PLXNA2: variants seen among roughly 807,000 people sequenced by gnomAD.
PLXNA2 encodes the protein plexin A2.
PLXNA2 carries 91 observed loss-of-function variants against 193.5 expected under a neutral mutation model. The observed-to-expected ratio is 0.47, with a 90% CI of 0.40 to 0.56. PLXNA2 has a LOEUF of 0.56. Ranked by LOEUF, PLXNA2 falls within the 20% of genes least tolerant of loss-of-function variation. The pLI is 0.00. For synonymous variants in PLXNA2, 997 were observed against 1,027.3 expected, an observed-to-expected ratio of 0.97 and a Z score of 0.56; for missense variants, 1,995 against 2,503.2, an observed-to-expected ratio of 0.80 and a Z score of 4.33.
intron 12 of PLXNA2, among the ~76,000 whole-genome samples, chr1:208,074,790 CT>C (rs766438632): frequency 1.3e-5 from 2 of 152,276 alleles, no homozygotes; most frequent in South Asian, 4.2e-4. Flanking sequence ...CACAGGCCAT[CT>C]TAGAATCCTT....
chr1:208,240,829 A>T (rs559434625), intron 1 of PLXNA2, among the ~76,000 whole-genome samples: 1 of 151,658 alleles, frequency 6.6e-6, no homozygotes, highest in South Asian at 2.1e-4. Flanking sequence ...ACAGAAGTAT[A>T]TTGTGCCTCA....
Position 208,082,822 on chromosome 1 carries a change from A to G in PLXNA2, c.2299-314T>C, listed in dbSNP as rs1666390345. 6.6e-6 allele frequency among the ~76,000 whole-genome samples: 1 copy of G among 151,812 alleles called. No individual in the cohort carries two copies. Among genetic ancestry groups the G allele is most frequent in the African/African-American group, 2.4e-5 (1 of 41,284 alleles). ...GAGTTCCTATCTCATAAGGAATGCAACCGTCTCCCTACAACCTCCATCCTT... is the reference window on the plus strand; with the variant it reads ...GAGTTCCTATCTCATAAGGAATGCAGCCGTCTCCCTACAACCTCCATCCTT... On this transcript the variant is annotated intron_variant, in intron 10 of 31. Coordinates refer to ENST00000367033, the MANE Select transcript of PLXNA2 (RefSeq NM_025179.4). This position sits in a 1 kb window ranked among gnomAD's most constrained non-coding sequence, Gnocchi z 4.2.
chr1:208,158,573 T>C (rs1669009115), intron 3 of PLXNA2, among the ~76,000 whole-genome samples: 1 of 152,214 alleles, frequency 6.6e-6, no homozygotes, highest in Admixed American at 6.5e-5. Flanking sequence ...CCCAGTGGCC[T>C]TGCCGACATC....
intron 1 of PLXNA2, among the ~76,000 whole-genome samples, chr1:208,229,373 G>A (rs1425639773): frequency 6.6e-6 from 1 of 152,132 alleles, no homozygotes; most frequent in Non-Finnish European, 1.5e-5. Context: ...CTTGGTATCC[G>A]TGCAGGGCTA....
intron 22 of PLXNA2, among the ~76,000 whole-genome samples, chr1:208,041,885 T>A (rs1379156970): frequency 6.6e-6 from 1 of 152,210 alleles, no homozygotes; most frequent in African/African-American, 2.4e-5. Flanking sequence ...AGCTCATCCA[T>A]CACACCTGGG....
intron 17 of PLXNA2, among the ~76,000 whole-genome samples, chr1:208,047,867 T>C (rs1665129033): frequency 1.3e-5 from 2 of 152,262 alleles, no homozygotes; most frequent in South Asian, 4.1e-4. Context: ...CTGCGGCCTT[T>C]ATGCTGTAGT....
intron 18 of PLXNA2, 84 bp downstream of exon 18, chr1:208,045,790 CAGAA>C (rs1665042622): frequency 6.0e-6 from 9 of 1,509,828 alleles, no homozygotes; most frequent in East Asian, 4.5e-5. Context: ...AAAGGAGAGC[CAGAA>C]AGAAAGAAAG....
At chr1:208,035,472 A>G (rs1245301013) in intron 26 of PLXNA2, among the ~76,000 whole-genome samples, 1 of 152,154 alleles carries the variant, frequency 6.6e-6, no homozygotes, top group African/African-American at 2.4e-5. Context: ...GTCTTGTCCC[A>G]TCCTCTATGA....
At position 208,107,269 on chromosome 1, in the gene PLXNA2, C is replaced by T. The variant is rs533576445; in HGVS notation, c.1507-4022G>A. Reference sequence around the variant, plus strand: ...TTAACAACTCTCCAACCGATTCTTACGCAGGCCAACCACTGATATAGATGA... The same window carrying T: ...TTAACAACTCTCCAACCGATTCTTATGCAGGCCAACCACTGATATAGATGA... On this transcript the variant is annotated intron_variant, in intron 4 of 31. Coordinates refer to ENST00000367033, the MANE Select transcript of PLXNA2 (RefSeq NM_025179.4). 9.8e-5 allele frequency among the ~76,000 whole-genome samples: 15 copies of T among 152,290 alleles called. No individual in the cohort carries two copies. The South Asian group carries it at 1.0e-3, about 11-fold the overall frequency.
chr1:208,104,806 C>T (rs898433415), intron 4 of PLXNA2, among the ~76,000 whole-genome samples: 18 of 152,148 alleles, frequency 1.2e-4, no homozygotes, highest in African/African-American at 3.9e-4. Flanking sequence ...AAACATCCCT[C>T]ACCTCCCTTT....
chr1:208,085,643 A>G (rs1666493707), intron 9 of PLXNA2, among the ~76,000 whole-genome samples: 2 of 152,252 alleles, frequency 1.3e-5, no homozygotes. Context: ...AGCCTCACAC[A>G]GGGAATCTCC....
At chr1:208,046,146 C>A (rs1438838979) in intron 17 of PLXNA2, 29 bp from the exon 18 acceptor site, 1 of 1,601,544 alleles carries the variant, frequency 6.2e-7, no homozygotes, top group Admixed American at 1.7e-5. Context: ...AGCATTCACA[C>A]ACGGAGTGCC....
intron 4 of PLXNA2, among the ~76,000 whole-genome samples, chr1:208,135,772 G>A (rs192808333): frequency 5.3e-4 from 81 of 152,212 alleles, no homozygotes; most frequent in South Asian, 8.3e-4. Flanking sequence ...CAGCTCTGAT[G>A]CTCTGTGATT....
intron 17 of PLXNA2, among the ~76,000 whole-genome samples, chr1:208,049,680 T>C (rs1203861644): frequency 2.0e-5 from 3 of 152,224 alleles, no homozygotes; most frequent in Admixed American, 1.3e-4. Flanking sequence ...GGGCAAGTCA[T>C]TTAACCTTTC....
At chr1:208,039,497 C>T in intron 24 of PLXNA2, 124 bp downstream of exon 24, 1 of 1,355,662 alleles carries the variant, frequency 7.4e-7, no homozygotes, top group Non-Finnish European at 1.0e-6. Flanking sequence ...GTCCTTTGGG[C>T]TCACCCCAGA....
intron 26 of PLXNA2, among the ~76,000 whole-genome samples, chr1:208,035,929 GT>G (rs1051197226): frequency 6.6e-6 from 1 of 152,198 alleles, no homozygotes; most frequent in African/African-American, 2.4e-5. Context: ...AGCCTGGGAA[GT>G]TTTTTAACAT....
intron 1 of PLXNA2, among the ~76,000 whole-genome samples, chr1:208,229,385 CATG>C (rs1671616822): frequency 6.6e-6 from 1 of 152,146 alleles, no homozygotes; most frequent in Admixed American, 6.5e-5. Flanking sequence ...GCAGGGCTAG[CATG>C]ATAACTTTCA....
chr1:208,051,090 G>T lies in PLXNA2; in HGVS notation c.3174C>A (p.Pro1058=), dbSNP rs764071663. Residue 1058 remains proline (P), a synonymous_variant, in exon 17 of 32, where the codon CCC becomes CCA. Coordinates refer to ENST00000367033, the MANE Select transcript of PLXNA2 (RefSeq NM_025179.4). ...PEWSIASGHT[P]LTITGFNLDV... ...CCAGGTTGAAGCCTGTGATGGTCAG[G>T]GGTGTGTGGCCACTGAAAACAGGCA... 1.2e-5 allele frequency: 20 copies of T among 1,613,782 alleles called. No homozygotes were observed. In the African/African-American group the frequency reaches 2.1e-4, roughly 17 times the overall value.
chr1:208,130,661 G>A (rs1321529926), intron 4 of PLXNA2, among the ~76,000 whole-genome samples: 1 of 152,174 alleles, frequency 6.6e-6, no homozygotes, highest in Non-Finnish European at 1.5e-5. Context: ...TGTGTGGTGA[G>A]TGACTCTTGA....
Sources: allele counts gnomAD v4.1 joint callset (sites outside exome capture counted in the v4.1 genomes callset), GRCh38; gene constraint gnomAD v4.1.1; non-coding constraint Gnocchi (gnomAD v3.1); transcripts MANE v1.5; gene names NCBI Gene and HGNC (gene_info 2026-07-23, HGNC 2026-07-21).